IHO1: variants seen among roughly 807,000 people sequenced by gnomAD.
IHO1 encodes interactor of HORMAD1 protein 1.
In IHO1, 13 loss-of-function variants were observed where a neutral mutation model predicts 31.0. The ratio of observed to expected loss-of-function variants is 0.42; its 90% CI spans 0.27 to 0.67. IHO1 has a LOEUF of 0.67. Ranked by LOEUF, IHO1 falls within the 30% of genes least tolerant of loss-of-function variation. The pLI is 0.24. For synonymous variants in IHO1, 221 were observed against 248.4 expected, an observed-to-expected ratio of 0.89 and a Z score of 1.04; for missense variants, 599 against 687.5, an observed-to-expected ratio of 0.87 and a Z score of 1.44.
At chr3:49,227,536 C>T (rs2046431433) in intron 2 of IHO1, among the ~76,000 whole-genome samples, 1 of 152,162 alleles carries the variant, frequency 6.6e-6, no homozygotes, top group Non-Finnish European at 1.5e-5. Context: ...TGAGGAAGAT[C>T]AGATTTAGTG....
At chr3:49,253,590 C>T (rs1333527680) in intron 6 of IHO1, among the ~76,000 whole-genome samples, 1 of 152,092 alleles carries the variant, frequency 6.6e-6, no homozygotes, top group East Asian at 1.9e-4. Flanking sequence ...CTGTTTGGAA[C>T]GTGCTCTTTC....
At chr3:49,224,210 G>A (rs1483238532) in intron 2 of IHO1, among the ~76,000 whole-genome samples, 7 of 152,330 alleles carry the variant, frequency 4.6e-5, no homozygotes, top group Admixed American at 1.3e-4. Context: ...TGTTTCAGTC[G>A]GGGAATACTG....
At chr3:49,237,951 G>A (rs914535658) in intron 3 of IHO1, among the ~76,000 whole-genome samples, 2 of 129,950 alleles carry the variant, frequency 1.5e-5, no homozygotes, top group African/African-American at 2.8e-5. Flanking sequence ...CCTGGGCCGA[G>A]GTCCAGTGGC....
intron 6 of IHO1, among the ~76,000 whole-genome samples, chr3:49,248,431 A>G (rs1187199300): frequency 2.0e-5 from 3 of 151,398 alleles, no homozygotes; most frequent in Non-Finnish European, 4.4e-5. Context: ...ACAAAACAAA[A>G]CAAAACAAAA....
intron 3 of IHO1, 22 bp from the exon 4 acceptor site, chr3:49,241,202 CTA>C: frequency 6.4e-7 from 1 of 1,561,982 alleles, no homozygotes; most frequent in Non-Finnish European, 8.7e-7. Flanking sequence ...GTGTGAAATG[CTA>C]TATATTTTTT....
chr3:49,248,457 A>C lies in IHO1; in HGVS notation c.532+3724A>C, dbSNP rs559617785. 4.9e-5 allele frequency among the ~76,000 whole-genome samples: 7 copies of C among 144,094 alleles called. No individual in the cohort carries two copies. In the East Asian group the frequency reaches 1.4e-3, roughly 29 times the overall value. The allele number at this position is 144,094 out of a possible 152,430, so 94.5% of individuals were successfully genotyped here. The stretch of plus-strand genomic sequence containing the variant: ...CAAAACAAAACAAAAGCCCAGGCAC[A>C]GTGACTCACACTTGTAATCCCAGCA... On this transcript the variant is annotated intron_variant, in intron 6 of 7. Transcript: ENST00000452691.
chr3:49,225,285 GA>G (rs1436177486), intron 2 of IHO1, among the ~76,000 whole-genome samples: 1 of 152,164 alleles, frequency 6.6e-6, no homozygotes, highest in Non-Finnish European at 1.5e-5. Context: ...CCAACATGGT[GA>G]AACCCCGTCT....
At chr3:49,245,405 C>T (rs1052473497) in intron 6 of IHO1, 4 of 152,368 alleles carry the variant, frequency 2.6e-5, no homozygotes, top group Non-Finnish European at 5.9e-5. Flanking sequence ...CCAGGATGGT[C>T]TCCATCTCCT....
At chr3:49,254,511 G>C (rs1191513820) in intron 6 of IHO1, among the ~76,000 whole-genome samples, 1 of 152,020 alleles carries the variant, frequency 6.6e-6, no homozygotes, top group Admixed American at 6.6e-5. Context: ...TTCTGAGGAG[G>C]TGACTGCTGA....
upstream of IHO1, among the ~76,000 whole-genome samples, chr3:49,197,880 CAAA>C (rs553923060): frequency 2.7e-5 from 3 of 111,356 alleles, no homozygotes; most frequent in Non-Finnish European, 1.9e-5. Flanking sequence ...AACTCCATCT[CAAA>C]AAAAAAAAAA....
chr3:49,248,734 GA>G lies in IHO1; in HGVS notation c.532+4006del, dbSNP rs372753821. On this transcript the variant is annotated intron_variant, in intron 6 of 7. Coordinates refer to ENST00000452691, the MANE Select transcript of IHO1 (RefSeq NM_001135197.2). ...AAGAGCGAAACTCTGTCTCAAAAAA[GA>G]AAAAGAAAGAAAAAAGACTCAGTAA... Among the ~76,000 whole-genome samples the G allele has an allele frequency of 1.8e-4, 28 of 152,034 alleles. No individual in the cohort carries two copies. The East Asian group carries it at 4.8e-3, about 26-fold the overall frequency.
intron 1 of IHO1, among the ~76,000 whole-genome samples, chr3:49,208,694 G>A (rs1440464277): frequency 6.6e-6 from 1 of 151,912 alleles, no homozygotes; most frequent in African/African-American, 2.4e-5. Context: ...ACCTCTATGT[G>A]TTTTTTTTAT....
At chr3:49,249,269 GACA>G (rs1351905100) in intron 6 of IHO1, among the ~76,000 whole-genome samples, 2 of 151,270 alleles carry the variant, frequency 1.3e-5, no homozygotes, top group Admixed American at 6.6e-5. Context: ...AGAAAACATG[GACA>G]ACATTTTTTT....
chr3:49,202,492 ATT>A (rs35231550), intron 1 of IHO1, among the ~76,000 whole-genome samples: 5 of 116,044 alleles, frequency 4.3e-5, no homozygotes, highest in African/African-American at 1.8e-4. Flanking sequence ...TGCCCGGCTA[ATT>A]TTGTGTGTGT....
upstream of IHO1, among the ~76,000 whole-genome samples, chr3:49,193,877 G>A (rs1211874606): frequency 1.3e-5 from 2 of 150,736 alleles, no homozygotes; most frequent in African/African-American, 4.9e-5. Context: ...CAGAAGAATC[G>A]CTTGAACCCG....
At chr3:49,214,967 T>C (rs986689130) in intron 2 of IHO1, among the ~76,000 whole-genome samples, 7 of 151,328 alleles carry the variant, frequency 4.6e-5, no homozygotes, top group Non-Finnish European at 7.4e-5. Context: ...ATTCCTCTGT[T>C]GGACTTTTTT....
intron 1 of IHO1, among the ~76,000 whole-genome samples, chr3:49,210,919 A>T (rs2046203888): frequency 6.7e-6 from 1 of 148,674 alleles, no homozygotes; most frequent in Non-Finnish European, 1.5e-5. Flanking sequence ...GATGGTCTGG[A>T]TCTCCTGACC....
At chr3:49,249,488 C>T (rs1372808256) in intron 6 of IHO1, among the ~76,000 whole-genome samples, 1 of 152,026 alleles carries the variant, frequency 6.6e-6, no homozygotes, top group African/African-American at 2.4e-5. Flanking sequence ...CCAGGATGGT[C>T]TCAAACTCTT....
At chr3:49,255,315 G>A (rs958428762) in intron 6 of IHO1, 75 bp from the exon 7 acceptor site, 1 of 998,360 alleles carries the variant, frequency 1.0e-6, no homozygotes, top group African/African-American at 1.7e-5. Context: ...TCACTGCTGT[G>A]GTTCTGTGGT....
Sources: allele counts gnomAD v4.1 joint callset (sites outside exome capture counted in the v4.1 genomes callset), GRCh38; gene constraint gnomAD v4.1.1; transcripts MANE v1.5; gene names NCBI Gene and HGNC (gene_info 2026-07-23, HGNC 2026-07-21).